UROS: variants seen among roughly 807,000 people sequenced by gnomAD.
UROS encodes the protein uroporphyrinogen-III synthase.
In UROS, 18 loss-of-function variants were observed where a neutral mutation model predicts 33.0. The observed-to-expected ratio is 0.55, with a 90% CI of 0.38 to 0.81. The LOEUF (loss-of-function observed/expected upper bound fraction) is 0.81, where lower values mean the gene tolerates loss of function less well. UROS is among the 30% of genes least tolerant of loss of function. UROS has a pLI of 0.00. For missense variants in UROS, 293 were observed against 314.9 expected, an observed-to-expected ratio of 0.93 and a Z score of 0.53; for synonymous variants, 114 against 121.1, an observed-to-expected ratio of 0.94 and a Z score of 0.38.
downstream of UROS, among the ~76,000 whole-genome samples, chr10:125,787,380 C>T (rs1850663441): frequency 6.6e-6 from 1 of 152,140 alleles, no homozygotes; most frequent in Non-Finnish European, 1.5e-5. Flanking sequence ...CCGGGCTTGT[C>T]TTGCTTCTCC....
In UROS at chr10:125,800,565, C is replaced by CTTT. The variant is rs367801933; in HGVS notation, c.395-2423_395-2421dup. Among the ~76,000 whole-genome samples, 258 of 140,406 alleles carry CTTT rather than the reference C, an allele frequency of 1.8e-3. 1 individual carries two copies. Among genetic ancestry groups the CTTT allele is most frequent in the African/African-American group, 5.8e-3 (223 of 38,218 alleles). 92.1% of individuals were successfully genotyped at this position (140,406 alleles called of 152,430 possible). A position where few individuals can be genotyped will look rare whatever the true frequency, so the allele number is the denominator to read the frequency against. On this transcript the variant is annotated intron_variant, in intron 6 of 9. Coordinates refer to ENST00000368797, the MANE Select transcript of UROS (RefSeq NM_000375.3). ...GTTGAGAGCTTTTCTTTCTTTCTTTCTTTTTTTTTTTTTTGTGACGGAGTC... is the reference window on the plus strand; with the variant it reads ...GTTGAGAGCTTTTCTTTCTTTCTTTCTTTTTTTTTTTTTTTTTGTGACGGAGTC...
At chr10:125,787,015 A>G (rs950905798), downstream of UROS, among the ~76,000 whole-genome samples, 2 of 152,222 alleles carry the variant, frequency 1.3e-5, no homozygotes, top group Non-Finnish European at 2.9e-5. Context: ...CCCGCCCCGT[A>G]TGAGCTCCCT....
chr10:125,805,906 A>T (rs1739886497), intron 6 of UROS, among the ~76,000 whole-genome samples: 1 of 152,178 alleles, frequency 6.6e-6, no homozygotes, highest in South Asian at 2.1e-4. Flanking sequence ...GAAAAGAGAA[A>T]AAAGGAGAAT....
chr10:125,818,327 T>G (rs1853538815), intron 1 of UROS, among the ~76,000 whole-genome samples: 1 of 151,934 alleles, frequency 6.6e-6, no homozygotes, highest in East Asian at 1.9e-4. Flanking sequence ...TACAAAAATT[T>G]TAAAAGTTGT....
rs569341812 is a variant in UROS, at chr10:125,802,282, C to T, written c.395-4137G>A. The T allele has an allele frequency of 1.4e-5, 14 of 985,694 alleles. No individual in the cohort carries two copies. In the Admixed American group the frequency reaches 2.5e-4, roughly 17 times the overall value. 61.1% of individuals were successfully genotyped at this position (985,694 alleles called of 1,614,324 possible). A position where few individuals can be genotyped will look rare whatever the true frequency, so the allele number is the denominator to read the frequency against. ...CCCATGGGGCTGGGGCCACATGGCA[C>T]GGGGCCCAACCAGTGCTCTCTGATC... On this transcript the variant is annotated intron_variant, in intron 6 of 9. Coordinates refer to ENST00000368797, the MANE Select transcript of UROS (RefSeq NM_000375.3).
chr10:125,822,209 C>A (rs1436522136), intron 1 of UROS, among the ~76,000 whole-genome samples: 1 of 152,206 alleles, frequency 6.6e-6, no homozygotes, highest in Non-Finnish European at 1.5e-5. Flanking sequence ...GCTGCATCCC[C>A]ACCTGCCACA....
chr10:125,805,843 G>A (rs1852283342), intron 6 of UROS, among the ~76,000 whole-genome samples: 1 of 152,054 alleles, frequency 6.6e-6, no homozygotes, highest in Non-Finnish European at 1.5e-5. Flanking sequence ...CGTTAACACC[G>A]AGCATGTAGT....
At chr10:125,806,943 C>T (rs972167659) in intron 6 of UROS, among the ~76,000 whole-genome samples, 4 of 152,168 alleles carry the variant, frequency 2.6e-5, no homozygotes, top group Non-Finnish European at 5.9e-5. Context: ...AATGCTAACA[C>T]CCCTAGAACA....
chr10:125,819,840 C>T (rs929370123), intron 1 of UROS: 1 of 152,306 alleles, frequency 6.6e-6, no homozygotes, highest in Admixed American at 6.6e-5. Context: ...TGAAGCTGCT[C>T]CTGAAGCTTC....
intron 6 of UROS, among the ~76,000 whole-genome samples, chr10:125,798,405 A>G (rs1851541596): frequency 6.6e-6 from 1 of 152,246 alleles, no homozygotes; most frequent in East Asian, 1.9e-4. Flanking sequence ...CAAGTTAGCC[A>G]CATTCTTTTA....
At chr10:125,814,216 T>A (rs899758587) in intron 4 of UROS, among the ~76,000 whole-genome samples, 1 of 152,220 alleles carries the variant, frequency 6.6e-6, no homozygotes, top group Non-Finnish European at 1.5e-5. Flanking sequence ...AATCCCATGA[T>A]GAGAGGTCAA....
intron 7 of UROS, chr10:125,796,863 T>C (rs1387712761): frequency 2.0e-6 from 2 of 985,296 alleles, no homozygotes; most frequent in Non-Finnish European, 2.4e-6. Flanking sequence ...CTCAGGCTTC[T>C]GAAAATAAAA....
chr10:125,812,098 A>T, intron 5 of UROS, 116 bp downstream of exon 5: 3 of 946,012 alleles, frequency 3.2e-6, no homozygotes, highest in Non-Finnish European at 4.9e-6. Context: ...ATACTTAATT[A>T]ATTTTTGCAA....
At chr10:125,812,343 T>C in intron 4 of UROS, 55 bp from the exon 5 acceptor site, 2 of 1,542,608 alleles carry the variant, frequency 1.3e-6, no homozygotes, top group Non-Finnish European at 1.8e-6. Context: ...CCATTTGGAC[T>C]GTTGCCCAAG....
At chr10:125,793,293 CTG>C (rs1003794767) in intron 9 of UROS, 6 of 135,638 alleles carry the variant, frequency 4.4e-5, no homozygotes, top group African/African-American at 1.7e-4. Context: ...TTGGGGAAAA[CTG>C]TGTTAGGCTT....
At chr10:125,811,087 A>G (rs1299916062) in intron 5 of UROS, among the ~76,000 whole-genome samples, 4 of 152,190 alleles carry the variant, frequency 2.6e-5, no homozygotes, top group Non-Finnish European at 5.9e-5. Flanking sequence ...CTCATCATTC[A>G]TTGTATCACC....
In UROS at chr10:125,788,776, A is replaced by C. The variant is rs887568142; in HGVS notation, c.*92T>G. The C allele has an allele frequency of 6.7e-7, 1 of 1,488,068 alleles. No individual in the cohort carries two copies. Among genetic ancestry groups the C allele is most frequent in the African/African-American group, 1.4e-5 (1 of 71,544 alleles). The allele number at this position is 1,488,068 out of a possible 1,614,324, so 92.2% of individuals were successfully genotyped here. A position where few individuals can be genotyped will look rare whatever the true frequency, so the allele number is the denominator to read the frequency against. On this transcript the variant is annotated 3_prime_UTR_variant, in exon 10 of 10. Coordinates refer to ENST00000368797, the MANE Select transcript of UROS (RefSeq NM_000375.3). ...AGGCTTGAGGCAGGAGTCTGACGGC[A>C]GCAGCTCCCGAGAGCCCTTGCCGAT...
At chr10:125,820,038 C>T (rs1033937140) in intron 1 of UROS, among the ~76,000 whole-genome samples, 12 of 152,128 alleles carry the variant, frequency 7.9e-5, no homozygotes, top group Admixed American at 3.3e-4. Context: ...ACCTCAAACC[C>T]GTACCTTCTA....
chr10:125,816,280 T>C lies in UROS; in HGVS notation c.64-20A>G. 6.2e-7 allele frequency: 1 copy of C among 1,611,732 alleles called. No individual in the cohort carries two copies. The highest frequency in any genetic ancestry group is 8.5e-7 in the Non-Finnish European group (1 of 1,177,850). ...TAATTCCTGAAATGAAAGAATATAGTTCTGGATTGGCTAGGGCTGTTTTTA... is the reference window on the plus strand; with the variant it reads ...TAATTCCTGAAATGAAAGAATATAGCTCTGGATTGGCTAGGGCTGTTTTTA... On this transcript the variant is annotated intron_variant, in intron 2 of 9. Transcript: ENST00000368797.
Sources: allele counts gnomAD v4.1 joint callset (sites outside exome capture counted in the v4.1 genomes callset), GRCh38; gene constraint gnomAD v4.1.1; transcripts MANE v1.5; gene names NCBI Gene and HGNC (gene_info 2026-07-23, HGNC 2026-07-21).